Variants in MEI1 observed in about 807,000 individuals in gnomAD.
MEI1 encodes meiotic double-stranded break formation protein 1, also known as meiosis inhibitor protein 1.
MEI1 carries 103 observed loss-of-function variants against 146.2 expected under a neutral mutation model. The observed-to-expected ratio is 0.70, with a 90% confidence interval of 0.60 to 0.83. The LOEUF (loss-of-function observed/expected upper bound fraction) is 0.83. MEI1 is among the 40% of genes least tolerant of loss of function. MEI1 has a pLI of 0.00. For missense variants in MEI1, 1,529 were observed against 1,533.0 expected (o/e 1.00, Z 0.04); for synonymous variants, 652 against 628.2 (o/e 1.04, Z -0.57).
In MEI1 at chr22:41,748,094, T is replaced by G; in HGVS notation, c.1681-13T>G. The stretch of plus-strand genomic sequence containing the variant: ...TCCCCGTGGGCTGTGTTCTCTCTCC[T>G]GGTTCTTTGCAGAGACACTTGGAGC... On this transcript the variant is annotated splice_polypyrimidine_tract_variant and intron_variant, in intron 14 of 30. Coordinates refer to ENST00000401548, the MANE Select transcript of MEI1 (RefSeq NM_152513.4). 1 of 1,598,212 alleles carries G rather than the reference T, an allele frequency of 6.3e-7. No homozygotes were observed. Among genetic ancestry groups the G allele is most frequent in the Non-Finnish European group, 8.6e-7 (1 of 1,165,746 alleles).
At chr22:41,790,143 C>T (rs1244228174) in intron 26 of MEI1, among the ~76,000 whole-genome samples, 1 of 152,130 alleles carries the variant, frequency 6.6e-6, no homozygotes, top group East Asian at 1.9e-4. Flanking sequence ...AGTGCAGTGG[C>T]GTGATCTTGG....
intron 21 of MEI1, among the ~76,000 whole-genome samples, chr22:41,777,158 A>AT (rs11429191): frequency 0.7 from 98,508 of 140,892 alleles, 35,153 homozygotes; most frequent in East Asian, 0.89. Context: ...TTTAAAAATA[A>AT]TTTTTTTTTT....
At chr22:41,733,952 C>T (rs1280387878) in intron 11 of MEI1, among the ~76,000 whole-genome samples, 1 of 151,320 alleles carries the variant, frequency 6.6e-6, no homozygotes, top group Admixed American at 6.6e-5. Context: ...CATGTAGAAA[C>T]CCTGTCTTTA....
In MEI1 at chr22:41,770,643, C is replaced by T. The variant is rs753017713; in HGVS notation, c.2269-43C>T. The T allele has an allele frequency of 2.5e-6, 4 of 1,577,694 alleles. No homozygotes were observed. The African/African-American group carries it at 4.1e-5, about 16-fold the overall frequency. On this transcript the variant is annotated intron_variant, in intron 19 of 30. Transcript: ENST00000401548. ...TGGCCATGTTGGGGTCTCTTGGGTC[C>T]TCTGCAAGGTGTATTTACCTCCTTT...
intron 11 of MEI1, among the ~76,000 whole-genome samples, chr22:41,737,548 C>T (rs5751145): frequency 0.83 from 126,380 of 151,420 alleles, 53,655 homozygotes; most frequent in African/African-American, 0.95. Flanking sequence ...CTCTTTTTTT[C>T]TGGGGGGTGA....
chr22:41,732,587 A>T lies in MEI1; in HGVS notation c.1315A>T (p.Thr439Ser). 6.2e-7 allele frequency: 1 copy of T among 1,613,304 alleles called. No homozygotes were observed. The highest frequency in any genetic ancestry group is 8.5e-7 in the Non-Finnish European group (1 of 1,179,758). Residue 439 changes from threonine (T) to serine (S), a missense_variant, in exon 11 of 31, where the codon ACT becomes TCT. Thr to Ser is a moderately conservative substitution (Grantham distance 58). Around this residue, in one of 3 missense-constraint regions of MEI1, gnomAD observed 1,212 missense variants for 1,178.9 expected, o/e 1.03. Coordinates refer to ENST00000401548, the MANE Select transcript of MEI1 (RefSeq NM_152513.4). ...LEVAAEALKA[T>S]SAFLRKDHQS... ...GGTGGCTGCTGAGGCCTTGAAGGCC[A>T]CTTCTGCTTTTCTGAGGTGAGAGAC... is the stretch of plus-strand genomic sequence containing the variant.
At position 41,765,030 on chromosome 22, in the gene MEI1, G is replaced by T. The variant is rs559329927; in HGVS notation, c.2268+1709G>T. On this transcript the variant is annotated intron_variant, in intron 19 of 30. Coordinates refer to ENST00000401548, the MANE Select transcript of MEI1 (RefSeq NM_152513.4). ...AGTTCTAATAATTGAACAACCAAGA[G>T]TCTTGCTCTTGTTTCCCAGGCTGGA... is the stretch of plus-strand genomic sequence containing the variant. Among the ~76,000 whole-genome samples the T allele has an allele frequency of 1.2e-4, 18 of 152,222 alleles. No individual in the cohort carries two copies. The South Asian group carries it at 3.7e-3, about 32-fold the overall frequency.
intron 6 of MEI1, among the ~76,000 whole-genome samples, chr22:41,721,858 C>T (rs1219192697): frequency 6.7e-6 from 1 of 150,110 alleles, no homozygotes; most frequent in Non-Finnish European, 1.5e-5. Flanking sequence ...GTAGCTGGGA[C>T]TACAGGCGCG....
intron 3 of MEI1, among the ~76,000 whole-genome samples, chr22:41,706,811 G>T (rs2069129065): frequency 6.6e-6 from 1 of 152,114 alleles, no homozygotes. Context: ...GACGATTCTT[G>T]CAGAGAGAGT....
chr22:41,717,465 A>G (rs2147361934), intron 5 of MEI1, among the ~76,000 whole-genome samples: 1 of 151,874 alleles, frequency 6.6e-6, no homozygotes, highest in South Asian at 2.1e-4. Context: ...GCCCAGCCTA[A>G]TTATTATTAT....
chr22:41,737,843 G>A (rs1001361577), intron 11 of MEI1, among the ~76,000 whole-genome samples: 1 of 152,058 alleles, frequency 6.6e-6, no homozygotes, highest in Non-Finnish European at 1.5e-5. Context: ...TGTTAAAATG[G>A]ACAGTGAGAC....
At chr22:41,699,803 A>G (rs1377675870) in intron 1 of MEI1, 91 bp downstream of exon 1, 2 of 1,410,360 alleles carry the variant, frequency 1.4e-6, no homozygotes, top group Non-Finnish European at 1.9e-6. Flanking sequence ...GCTCCGGTGA[A>G]CCCGACGCGA....
Position 41,699,537 on chromosome 22 carries a change from A to G in MEI1, c.-2A>G. 2 of 1,609,498 alleles carry G rather than the reference A, an allele frequency of 1.2e-6. No homozygotes were observed. The highest frequency in any genetic ancestry group is 2.2e-5 in the East Asian group (1 of 44,772). On this transcript the variant is annotated 5_prime_UTR_variant, in exon 1 of 31. Transcript: ENST00000401548. ...CCGCCTCAGCTGAGGGCAAGCGAGGAGATGGCTGTGAGGCAGGCGGCGACG... is the reference window on the plus strand; with the variant it reads ...CCGCCTCAGCTGAGGGCAAGCGAGGGGATGGCTGTGAGGCAGGCGGCGACG...
intron 6 of MEI1, among the ~76,000 whole-genome samples, chr22:41,721,719 C>CTTTTTTTTTTT (rs58572782): frequency 9.8e-6 from 1 of 102,212 alleles, no homozygotes. Context: ...AATGCTACCC[C>CTTTTTTTTTTT]TTTTTTTTTT....
chr22:41,762,520 A>G (rs1298355741), intron 18 of MEI1, among the ~76,000 whole-genome samples: 1 of 149,694 alleles, frequency 6.7e-6, no homozygotes, highest in Non-Finnish European at 1.5e-5. Flanking sequence ...GACTATAGGC[A>G]TGCGTCTACA....
At chr22:41,796,025 A>G (rs1209831042) in intron 30 of MEI1, among the ~76,000 whole-genome samples, 178 bp downstream of exon 30, 4 of 152,110 alleles carry the variant, frequency 2.6e-5, no homozygotes, top group African/African-American at 9.7e-5. Context: ...AAGCTCTCCC[A>G]GGCCATAAGA....
At chr22:41,797,323 C>G (rs974838254) in intron 30 of MEI1, among the ~76,000 whole-genome samples, 1 of 151,980 alleles carries the variant, frequency 6.6e-6, no homozygotes, top group African/African-American at 2.4e-5. Flanking sequence ...ATAAAATTAC[C>G]TTCAGGTGGC....
chr22:41,714,298 C>T (rs1569159009), intron 4 of MEI1, among the ~76,000 whole-genome samples: 1 of 152,154 alleles, frequency 6.6e-6, no homozygotes, highest in South Asian at 2.1e-4. Flanking sequence ...CAAATGTTAC[C>T]TCCATGCAAT....
intron 3 of MEI1, 110 bp from the exon 4 acceptor site, chr22:41,713,892 A>C (rs907675174): frequency 2.4e-6 from 2 of 844,940 alleles, no homozygotes; most frequent in Non-Finnish European, 3.8e-6. Flanking sequence ...GTATAATACC[A>C]ATTAGCCCAG....
Sources: allele counts gnomAD v4.1 joint callset (sites outside exome capture counted in the v4.1 genomes callset), GRCh38; gene constraint gnomAD v4.1.1; regional missense constraint gnomAD v4.1.1; transcripts MANE v1.5; gene names NCBI Gene and HGNC (gene_info 2026-07-23, HGNC 2026-07-21).